The following LRRC4C variants were observed in gnomAD, a reference collection of about 807,000 sequenced individuals.
LRRC4C encodes the protein leucine-rich repeat-containing protein 4C.
LRRC4C carries 5 observed loss-of-function variants against 33.6 expected under a neutral mutation model. That is an observed-to-expected ratio of 0.15 (90% CI 0.08 to 0.31). LRRC4C has a LOEUF of 0.31. Ranked by LOEUF, LRRC4C falls within the 10% of genes least tolerant of loss-of-function variation. The pLI is 1.00. For synonymous variants in LRRC4C, 329 were observed against 302.0 expected (o/e 1.09, Z -0.93); for missense variants, 560 against 796.7 (o/e 0.70, Z 3.58).
chr11:40,642,835 C>A (rs1384642114), intron 3 of LRRC4C, among the ~76,000 whole-genome samples: 2 of 152,100 alleles, frequency 1.3e-5, no homozygotes, highest in Non-Finnish European at 2.9e-5. Flanking sequence ...TTTGTAAATT[C>A]ATAGTTCCAC....
At chr11:40,816,021 C>A (rs954193759) in intron 2 of LRRC4C, among the ~76,000 whole-genome samples, 3 of 152,142 alleles carry the variant, frequency 2.0e-5, no homozygotes, top group Non-Finnish European at 2.9e-5. Context: ...GAGGACTTCC[C>A]CCCAGTTTGT....
chr11:40,551,548 C>T (rs76381352), intron 3 of LRRC4C, among the ~76,000 whole-genome samples: 1,876 of 152,262 alleles, frequency 0.012, 17 homozygotes, highest in Admixed American at 0.026. Flanking sequence ...AAGGCTAATT[C>T]CCATTCCACT....
intron 2 of LRRC4C, among the ~76,000 whole-genome samples, chr11:40,931,017 C>A (rs1957595555): frequency 6.6e-6 from 1 of 152,120 alleles, no homozygotes; most frequent in South Asian, 2.1e-4. Context: ...TGTAGGAAAA[C>A]TTTAATCTGT....
At chr11:41,224,479 G>C (rs1003665350) in intron 1 of LRRC4C, among the ~76,000 whole-genome samples, 2 of 152,112 alleles carry the variant, frequency 1.3e-5, no homozygotes, top group African/African-American at 4.8e-5. Flanking sequence ...CTCATATAGA[G>C]AGTATATTTA....
chr11:40,969,217 C>G (rs1019117134), intron 1 of LRRC4C, among the ~76,000 whole-genome samples: 3 of 152,090 alleles, frequency 2.0e-5, no homozygotes, highest in African/African-American at 7.2e-5. Context: ...GAAGTGGTGT[C>G]TAAAGCTGTA....
At chr11:40,727,137 A>G (rs138470351) in intron 2 of LRRC4C, among the ~76,000 whole-genome samples, 2 of 152,126 alleles carry the variant, frequency 1.3e-5, no homozygotes, top group Admixed American at 1.3e-4. Context: ...GAGATCAAAG[A>G]CAGGCATCAC....
intron 3 of LRRC4C, among the ~76,000 whole-genome samples, chr11:40,512,020 A>G (rs777162162): frequency 2.0e-5 from 3 of 152,168 alleles, no homozygotes; most frequent in Non-Finnish European, 2.9e-5. Flanking sequence ...TTAGTGCAGG[A>G]TGAGCCTGAC....
intron 2 of LRRC4C, among the ~76,000 whole-genome samples, chr11:40,764,820 T>C (rs1949377293): frequency 1.3e-5 from 2 of 152,168 alleles, no homozygotes; most frequent in Non-Finnish European, 2.9e-5. Flanking sequence ...TCTTGGATTT[T>C]ACCCAAGATC....
intron 2 of LRRC4C, among the ~76,000 whole-genome samples, chr11:40,648,906 G>A (rs368340043): frequency 1.3e-4 from 20 of 152,172 alleles, no homozygotes; most frequent in East Asian, 1.2e-3. Flanking sequence ...CTCACATATC[G>A]GTAGCACCGT....
intron 2 of LRRC4C, among the ~76,000 whole-genome samples, chr11:40,779,625 A>G (rs778674880): frequency 3.3e-5 from 5 of 152,192 alleles, no homozygotes; most frequent in Non-Finnish European, 7.4e-5. Flanking sequence ...ATAAAATTTC[A>G]TGCAGAAAAT....
chr11:40,479,101 AC>A (rs780931868), intron 3 of LRRC4C, among the ~76,000 whole-genome samples: 5 of 152,158 alleles, frequency 3.3e-5, no homozygotes, highest in Non-Finnish European at 5.9e-5. Context: ...GTTAATAATT[AC>A]AAGCAGCAAA....
chr11:40,426,983 G>T (rs373037816), intron 3 of LRRC4C, among the ~76,000 whole-genome samples: 8 of 152,032 alleles, frequency 5.3e-5, no homozygotes, highest in African/African-American at 1.7e-4. Context: ...ATTGGTTTCT[G>T]TACTGGAATG....
chr11:40,446,070 A>T (rs1951620330), intron 3 of LRRC4C: 1 of 152,204 alleles, frequency 6.6e-6, no homozygotes, highest in South Asian at 2.1e-4. Context: ...TTTGCTACTT[A>T]CATATCTCTT....
intron 2 of LRRC4C, among the ~76,000 whole-genome samples, chr11:40,732,128 T>C (rs1158287586): frequency 2.0e-5 from 3 of 152,150 alleles, no homozygotes; most frequent in African/African-American, 7.2e-5. Flanking sequence ...TTCTGTTAAT[T>C]ATTTTGTAAA....
At chr11:40,778,217 CTCCCTT>C (rs1950084812) in intron 2 of LRRC4C, among the ~76,000 whole-genome samples, 1 of 152,148 alleles carries the variant, frequency 6.6e-6, no homozygotes, top group African/African-American at 2.4e-5. Flanking sequence ...ATGTTTAGAA[CTCCCTT>C]GAGGATATTT....
intron 1 of LRRC4C, among the ~76,000 whole-genome samples, chr11:40,947,775 C>G (rs907820217): frequency 7.2e-5 from 11 of 152,054 alleles, no homozygotes; most frequent in African/African-American, 2.7e-4. Flanking sequence ...CCTGCAAACT[C>G]TAGCCCAGTG....
At chr11:40,986,727 C>A (rs1234308136) in intron 1 of LRRC4C, among the ~76,000 whole-genome samples, 1 of 152,062 alleles carries the variant, frequency 6.6e-6, no homozygotes, top group African/African-American at 2.4e-5. Context: ...CATAAAAAAA[C>A]AAGAACAGTG....
chr11:40,179,533 T>C (rs1441774522), intron 5 of LRRC4C, among the ~76,000 whole-genome samples: 2 of 152,188 alleles, frequency 1.3e-5, no homozygotes, highest in African/African-American at 4.8e-5. Context: ...ATGAGTTTCT[T>C]GGCCTCCTTT....
At chr11:40,695,948 C>T (rs1359211838) in intron 2 of LRRC4C, among the ~76,000 whole-genome samples, 2 of 151,540 alleles carry the variant, frequency 1.3e-5, no homozygotes, top group Non-Finnish European at 2.9e-5. Context: ...AAGTAGACAT[C>T]TCTAGGGGTG....
Sources: gnomAD v4.1 joint callset for allele counts (sites outside exome capture counted in the v4.1 genomes callset) on GRCh38, gnomAD v4.1.1 for gene constraint, MANE v1.5 for transcripts, NCBI Gene and HGNC (gene_info 2026-07-23, HGNC 2026-07-21) for gene names.